The following BCAT1 variants were observed in gnomAD, a reference collection of about 807,000 sequenced individuals.
The protein encoded by BCAT1 is branched-chain-amino-acid aminotransferase, cytosolic.
BCAT1 carries 48 observed loss-of-function variants against 52.4 expected under a neutral mutation model. That is an observed-to-expected ratio of 0.92 (90% confidence interval 0.73 to 1.16). The LOEUF (loss-of-function observed/expected upper bound fraction) is 1.16, where lower values mean the gene tolerates loss of function less well. Among genes scored for constraint, BCAT1 ranks in the 50% most tolerant of loss-of-function variants. BCAT1 has a pLI of 0.00. For synonymous variants in BCAT1, 167 were observed against 161.3 expected, an observed-to-expected ratio of 1.04 and a Z score of -0.27; for missense variants, 451 against 457.1, an observed-to-expected ratio of 0.99 and a Z score of 0.12.
chr12:24,926,607 G>C (rs1428896792), intron 1 of BCAT1, among the ~76,000 whole-genome samples: 2 of 152,182 alleles, frequency 1.3e-5, no homozygotes, highest in Admixed American at 1.3e-4. Context: ...ATTTTGTTCT[G>C]TACTAAGAAA....
intron 5 of BCAT1, among the ~76,000 whole-genome samples, chr12:24,878,062 G>A (rs1223213930): frequency 6.6e-6 from 1 of 151,742 alleles, no homozygotes; most frequent in Non-Finnish European, 1.5e-5. Context: ...GCTGAGGCAG[G>A]AGGATCACTT....
rs1254904706 is a variant in BCAT1 at position 24,810,399 on chromosome 12, T to G, written c.*7609A>C. ...CTGAATCAGCTTAGCAGAAAAATAA[T>G]TATAAAATTTGAAATATCCCCTTTT... On this transcript the variant is annotated 3_prime_UTR_variant, in exon 11 of 11. Coordinates refer to ENST00000261192, the MANE Select transcript of BCAT1 (RefSeq NM_005504.7). The G allele has an allele frequency of 6.6e-6, 1 of 152,180 alleles. No homozygotes were observed. The highest frequency in any genetic ancestry group is 2.4e-5 in the African/African-American group (1 of 41,446). 9.4% of individuals were successfully genotyped at this position (152,180 alleles called of 1,614,324 possible).
At chr12:24,875,562 G>C (rs1320875350) in intron 5 of BCAT1, among the ~76,000 whole-genome samples, 1 of 152,184 alleles carries the variant, frequency 6.6e-6, no homozygotes, top group South Asian at 2.1e-4. Context: ...TAAGTTGATA[G>C]AGTGTATAGT....
intron 1 of BCAT1, chr12:24,904,303 A>C (rs1452507836): frequency 6.6e-6 from 1 of 152,330 alleles, no homozygotes; most frequent in Middle Eastern, 3.1e-3. Flanking sequence ...CCCCGGTTCA[A>C]GCAATTCTCC....
At chr12:24,826,162 G>A (rs1190382501) in intron 10 of BCAT1, among the ~76,000 whole-genome samples, 1 of 152,262 alleles carries the variant, frequency 6.6e-6, no homozygotes, top group Non-Finnish European at 1.5e-5. Context: ...CAATGAGCCA[G>A]GTTCATGCCA....
chr12:24,902,262 C>G, intron 1 of BCAT1: 1 of 1,340,558 alleles, frequency 7.5e-7, no homozygotes, highest in Non-Finnish European at 9.5e-7. Flanking sequence ...AGAAAAATCT[C>G]CAGGGCGCGC....
intron 1 of BCAT1, among the ~76,000 whole-genome samples, chr12:24,910,880 G>A (rs942343154): frequency 1.3e-5 from 2 of 152,180 alleles, no homozygotes; most frequent in Non-Finnish European, 2.9e-5. Flanking sequence ...CAAGGCGGCC[G>A]ATCACCTGAG....
chr12:24,882,209 CAAGAT>C (rs1942525484), intron 3 of BCAT1, among the ~76,000 whole-genome samples: 1 of 152,144 alleles, frequency 6.6e-6, no homozygotes, highest in African/African-American at 2.4e-5. Flanking sequence ...TTTCCAAACA[CAAGAT>C]AAGCCAGAAA....
chr12:24,911,181 A>T (rs1006460465), intron 1 of BCAT1, among the ~76,000 whole-genome samples: 3 of 151,972 alleles, frequency 2.0e-5, no homozygotes, highest in Admixed American at 1.3e-4. Context: ...TAATATTTTC[A>T]TTATTATTCT....
intron 1 of BCAT1, among the ~76,000 whole-genome samples, chr12:24,928,729 T>TA (rs1943633581): frequency 6.9e-6 from 1 of 145,624 alleles, no homozygotes; most frequent in Non-Finnish European, 1.6e-5. Context: ...GTTGTTGTTG[T>TA]TGTTGTTGTT....
At chr12:24,875,682 T>C (rs767919201) in intron 5 of BCAT1, among the ~76,000 whole-genome samples, 109 of 152,198 alleles carry the variant, frequency 7.2e-4, no homozygotes, top group Non-Finnish European at 1.2e-3. Flanking sequence ...ATTCCATATG[T>C]GTATTTTAAA....
In BCAT1 at chr12:24,813,371, T is replaced by C. The variant is rs1230661406; in HGVS notation, c.*4637A>G. The C allele has an allele frequency of 6.6e-6, 1 of 152,028 alleles. No homozygotes were observed. Among genetic ancestry groups the C allele is most frequent in the Non-Finnish European group, 1.5e-5 (1 of 67,906 alleles). The allele number at this position is 152,028 out of a possible 1,614,324, so 9.4% of individuals were successfully genotyped here. A position where few individuals can be genotyped will look rare whatever the true frequency, so the allele number is the denominator to read the frequency against. ...ACCTCATACTGTGCAAAATCATGGT[T>C]ATATGAAAGTTATTTTCTGAATAGC... On this transcript the variant is annotated 3_prime_UTR_variant, in exon 11 of 11. Transcript: ENST00000261192.
At chr12:24,925,371 G>T (rs1943562782) in intron 1 of BCAT1, among the ~76,000 whole-genome samples, 1 of 152,084 alleles carries the variant, frequency 6.6e-6, no homozygotes, top group African/African-American at 2.4e-5. Context: ...AGACTTGCCA[G>T]CTCCCACAAT....
At chr12:24,831,531 C>A (rs1795595447) in intron 9 of BCAT1, among the ~76,000 whole-genome samples, 1 of 152,124 alleles carries the variant, frequency 6.6e-6, no homozygotes, top group African/African-American at 2.4e-5. Context: ...CACCTGTGGT[C>A]CCAGCTACTT....
rs1345316807 is a variant in BCAT1 at position 24,815,328 on chromosome 12, A to G, written c.*2680T>C. 1 of 152,624 alleles carries G rather than the reference A, an allele frequency of 6.6e-6. No homozygotes were observed. The highest frequency in any genetic ancestry group is 1.9e-4 in the East Asian group (1 of 5,206). 9.5% of individuals were successfully genotyped at this position (152,624 alleles called of 1,614,324 possible). ...CTTGTGAATTGCTGAATCTCATTTG[A>G]TCAACCCAATTAAACATTAAATAAT... On this transcript the variant is annotated 3_prime_UTR_variant, in exon 11 of 11. Transcript: ENST00000261192.
intron 5 of BCAT1, among the ~76,000 whole-genome samples, chr12:24,878,326 A>G (rs770311741): frequency 3.9e-5 from 6 of 152,224 alleles, no homozygotes; most frequent in Non-Finnish European, 5.9e-5. Flanking sequence ...ATTAGAAACT[A>G]TATGGCCACA....
chr12:24,862,821 T>TA (rs10714031), intron 5 of BCAT1, among the ~76,000 whole-genome samples: 18,287 of 147,232 alleles, frequency 0.12, 1,138 homozygotes, highest in East Asian at 0.17. Flanking sequence ...TTTTCATTTG[T>TA]AAAAAAAAAA....
intron 1 of BCAT1, among the ~76,000 whole-genome samples, chr12:24,947,506 G>A (rs1943949049): frequency 6.6e-6 from 1 of 152,164 alleles, no homozygotes. Context: ...GAGATAAGTG[G>A]AAAGATGTTT....
intron 3 of BCAT1, among the ~76,000 whole-genome samples, chr12:24,884,124 A>G (rs1942587330): frequency 6.6e-6 from 1 of 152,366 alleles, no homozygotes; most frequent in East Asian, 1.9e-4. Flanking sequence ...AGATGAATCG[A>G]TAAAGAAAAT....
Sources: allele counts gnomAD v4.1 joint callset (sites outside exome capture counted in the v4.1 genomes callset), GRCh38; gene constraint gnomAD v4.1.1; transcripts MANE v1.5; gene names NCBI Gene and HGNC (gene_info 2026-07-23, HGNC 2026-07-21).